The following MARCHF1 variants were observed in gnomAD, a reference collection of about 807,000 sequenced individuals.
MARCHF1 encodes the protein E3 ubiquitin-protein ligase MARCHF1.
Under a neutral mutation model 54.2 loss-of-function variants are expected in MARCHF1, and 40 were observed. The ratio of observed to expected loss-of-function variants is 0.74; its 90% confidence interval spans 0.57 to 0.96. The LOEUF (loss-of-function observed/expected upper bound fraction) is 0.96, where lower values mean the gene tolerates loss of function less well. Among genes scored for constraint, MARCHF1 ranks in the 40% least tolerant of loss-of-function variants. The probability of loss-of-function intolerance (pLI) is 0.00; values close to 1 mark genes in which losing one functional copy is unlikely to be tolerated. For synonymous variants in MARCHF1, 236 were observed against 236.3 expected (o/e 1.00, Z 0.01); for missense variants, 586 against 656.5 (o/e 0.89, Z 1.17).
intron 4 of MARCHF1, among the ~76,000 whole-genome samples, chr4:163,812,113 C>A (rs1351261125): frequency 7.2e-6 from 1 of 139,314 alleles, no homozygotes; most frequent in Non-Finnish European, 1.6e-5. Context: ...GCCATCAGAC[C>A]CTGGTGGGGA....
chr4:163,738,074 C>T (rs1172308386), intron 4 of MARCHF1, among the ~76,000 whole-genome samples: 1 of 152,190 alleles, frequency 6.6e-6, no homozygotes, highest in Non-Finnish European at 1.5e-5. Context: ...GGGTTATATG[C>T]TCTTCTGAAA....
At chr4:164,089,852 T>C (rs545543449) in intron 2 of MARCHF1, among the ~76,000 whole-genome samples, 76 of 152,158 alleles carry the variant, frequency 5.0e-4, no homozygotes, top group African/African-American at 1.7e-3. Flanking sequence ...TTGCTGTATT[T>C]TGAAGGATGT....
rs530213445 is a variant in MARCHF1 at position 163,901,386 on chromosome 4, C to A, written c.-38-47217G>T. On this transcript the variant is annotated intron_variant, in intron 3 of 9. Coordinates refer to ENST00000514618, the MANE Select transcript of MARCHF1 (RefSeq NM_001394959.1). ...CTCAGTAACCTAATGGCAAACTTTTCATTCAGCCTATTTTATGAATGCAGT... is the reference window on the plus strand; with the variant it reads ...CTCAGTAACCTAATGGCAAACTTTTAATTCAGCCTATTTTATGAATGCAGT... Among the ~76,000 whole-genome samples, 6 of 152,274 alleles carry A rather than the reference C, an allele frequency of 3.9e-5. No individual in the cohort carries two copies. In the South Asian group the frequency reaches 1.2e-3, roughly 32 times the overall value.
In MARCHF1 at chr4:164,110,949, A is replaced by G. The variant is rs547976219; in HGVS notation, c.-248+639T>C. The stretch of plus-strand genomic sequence containing the variant: ...GGGTCATAAATTTGAAGGTTCAGGA[A>G]ACATTCAATTTAATGTCGTTCTTGA... On this transcript the variant is annotated intron_variant, in intron 2 of 9. Transcript: ENST00000514618. Among the ~76,000 whole-genome samples, 213 of 151,906 alleles carry G rather than the reference A, an allele frequency of 1.4e-3. 2 individuals carry two copies. In the South Asian group the frequency reaches 0.018, roughly 13 times the overall value.
intron 4 of MARCHF1, among the ~76,000 whole-genome samples, chr4:163,774,847 C>G (rs1287524387): frequency 6.6e-6 from 1 of 151,882 alleles, no homozygotes; most frequent in Non-Finnish European, 1.5e-5. Context: ...TTGACATGAC[C>G]GTTATTATTA....
chr4:164,374,926 A>G (rs1298869304), intron 1 of MARCHF1, among the ~76,000 whole-genome samples: 2 of 152,182 alleles, frequency 1.3e-5, no homozygotes, highest in Non-Finnish European at 2.9e-5. Context: ...TATTGTATAT[A>G]TTATGCTAAA....
Position 163,583,652 on chromosome 4 carries a change from G to GTTTTTTTTTTTTTTTTTTT in MARCHF1, c.1191+2096_1191+2097insAAAAAAAAAAAAAAAAAAA, listed in dbSNP as rs11350711. ...TATCATGAATTTTTGTTTTTTGTGTGTTTTTTTTTTTTTTGGAGACAAAGT... is the reference window on the plus strand; with the variant it reads ...TATCATGAATTTTTGTTTTTTGTGTGTTTTTTTTTTTTTTTTTTTTTTTTTTTTTTTTTGGAGACAAAGT... On this transcript the variant is annotated intron_variant, in intron 8 of 9. Transcript: ENST00000514618. The GTTTTTTTTTTTTTTTTTTT allele has an allele frequency of 1.6e-5, 2 of 123,826 alleles. 1 individual carries two copies. The highest frequency in any genetic ancestry group is 3.3e-5 in the Non-Finnish European group (2 of 60,916). The allele number at this position is 123,826 out of a possible 1,614,324, so 7.7% of individuals were successfully genotyped here.
intron 2 of MARCHF1, among the ~76,000 whole-genome samples, chr4:163,992,787 T>TTTTATA (rs931977963): frequency 1.3e-5 from 2 of 148,576 alleles, no homozygotes; most frequent in Non-Finnish European, 3.0e-5. Flanking sequence ...TAAAATTATA[T>TTTTATA]TTTATATTTA....
chr4:163,556,552 A>T (rs1266054927), intron 8 of MARCHF1, among the ~76,000 whole-genome samples: 1 of 148,414 alleles, frequency 6.7e-6, no homozygotes. Flanking sequence ...AATTGAGTTG[A>T]TTTTTTTTTT....
intron 1 of MARCHF1, among the ~76,000 whole-genome samples, chr4:164,281,210 CTTGA>C (rs1265147680): frequency 6.6e-6 from 1 of 152,124 alleles, no homozygotes; most frequent in Non-Finnish European, 1.5e-5. Context: ...CAAGCAAAAG[CTTGA>C]TTGTGTCATG....
chr4:164,190,766 C>T (rs2111047885), intron 1 of MARCHF1, among the ~76,000 whole-genome samples: 1 of 152,284 alleles, frequency 6.6e-6, no homozygotes, highest in East Asian at 1.9e-4. Context: ...TGAGTTTCAT[C>T]TTCATATGAA....
intron 2 of MARCHF1, among the ~76,000 whole-genome samples, chr4:164,061,425 C>T (rs1754612318): frequency 6.7e-6 from 1 of 148,302 alleles, no homozygotes; most frequent in South Asian, 2.1e-4. Flanking sequence ...AAGTAAGTCA[C>T]ACAATTTTTT....
intron 2 of MARCHF1, among the ~76,000 whole-genome samples, chr4:164,104,868 C>T (rs1160216157): frequency 1.5e-5 from 1 of 65,110 alleles, no homozygotes; most frequent in African/African-American, 3.7e-5. Context: ...TAGAAAACCC[C>T]ATTATCTCAG....
At chr4:163,931,024 C>T (rs769910766) in intron 3 of MARCHF1, among the ~76,000 whole-genome samples, 1 of 151,818 alleles carries the variant, frequency 6.6e-6, no homozygotes, top group Non-Finnish European at 1.5e-5. Context: ...TAAATGAGGT[C>T]AAAAAAGTGA....
intron 1 of MARCHF1, among the ~76,000 whole-genome samples, chr4:164,346,009 T>C (rs1288036400): frequency 6.6e-6 from 1 of 152,182 alleles, no homozygotes; most frequent in Admixed American, 6.5e-5. Flanking sequence ...TAAAGTTCAT[T>C]TTTAACAATA....
At chr4:164,383,336 CG>C (rs1731431113) in intron 1 of MARCHF1, 1 of 152,286 alleles carries the variant, frequency 6.6e-6, no homozygotes, top group Non-Finnish European at 1.5e-5. Context: ...CAGGGTTGAG[CG>C]CATCAGCGCT....
Position 163,714,699 on chromosome 4 carries a change from G to A in MARCHF1, c.112-13836C>T, listed in dbSNP as rs1440152039. ...TCTTTTTATTCTTTTATTTTTTTAA[G>A]ACAGGGTCTTGCTCTGTCACCCAGG... is the stretch of plus-strand genomic sequence containing the variant. On this transcript the variant is annotated intron_variant, in intron 4 of 9. Transcript: ENST00000514618. 2.0e-5 allele frequency among the ~76,000 whole-genome samples: 3 copies of A among 151,940 alleles called. No homozygotes were observed. The East Asian group carries it at 5.8e-4, about 29-fold the overall frequency.
At chr4:164,150,396 T>G (rs1169664134) in intron 1 of MARCHF1, among the ~76,000 whole-genome samples, 1 of 152,206 alleles carries the variant, frequency 6.6e-6, no homozygotes, top group Non-Finnish European at 1.5e-5. Context: ...AACCCCTCTT[T>G]GAGACTTGTG....
chr4:164,226,402 A>C (rs1279973658), intron 1 of MARCHF1, among the ~76,000 whole-genome samples: 1 of 151,752 alleles, frequency 6.6e-6, no homozygotes, highest in African/African-American at 2.4e-5. Context: ...AAATGAACAA[A>C]CAAAATAGAT....
Sources: allele counts gnomAD v4.1 joint callset (sites outside exome capture counted in the v4.1 genomes callset), GRCh38; gene constraint gnomAD v4.1.1; transcripts MANE v1.5; gene names NCBI Gene and HGNC (gene_info 2026-07-23, HGNC 2026-07-21).